The following SDK1 variants were observed in gnomAD, a reference collection of about 807,000 sequenced individuals.
The protein encoded by SDK1 is protein sidekick-1.
SDK1 carries 157 observed loss-of-function variants against 245.5 expected under a neutral mutation model. The observed-to-expected ratio is 0.64, with a 90% CI of 0.56 to 0.73. The LOEUF (loss-of-function observed/expected upper bound fraction) is 0.73. SDK1 is among the 30% of genes least tolerant of loss of function. The probability of loss-of-function intolerance (pLI) is 0.00; values close to 1 mark genes in which losing one functional copy is unlikely to be tolerated. For missense variants in SDK1, 3,583 were observed against 3,002.3 expected, an observed-to-expected ratio of 1.19 and a Z score of -4.52; for synonymous variants, 1,647 against 1,278.5, an observed-to-expected ratio of 1.29 and a Z score of -6.15.
intron 4 of SDK1, among the ~76,000 whole-genome samples, chr7:3,651,675 A>C (rs547736325): frequency 8.5e-5 from 13 of 152,344 alleles, no homozygotes; most frequent in African/African-American, 2.9e-4. Flanking sequence ...CCAGAAGCAG[A>C]ATGAGCTCCA....
At chr7:4,197,221 T>C (rs957192961) in intron 35 of SDK1, among the ~76,000 whole-genome samples, 3 of 151,712 alleles carry the variant, frequency 2.0e-5, no homozygotes, top group African/African-American at 7.3e-5. Flanking sequence ...CCCAGCACTT[T>C]GGGAGGCCGA....
At chr7:3,402,683 T>C (rs1425579269) in intron 1 of SDK1, among the ~76,000 whole-genome samples, 6 of 152,146 alleles carry the variant, frequency 3.9e-5, no homozygotes, top group African/African-American at 1.4e-4. Flanking sequence ...CAAAAAGTTG[T>C]TTTTCTTCTT....
At chr7:4,118,852 T>C (rs1783887213) in intron 25 of SDK1, among the ~76,000 whole-genome samples, 2 of 148,866 alleles carry the variant, frequency 1.3e-5, no homozygotes, top group African/African-American at 4.9e-5. Flanking sequence ...GTGATTCTAT[T>C]TGTAGGAAAC....
intron 4 of SDK1, among the ~76,000 whole-genome samples, chr7:3,737,300 T>C (rs947151465): frequency 1.3e-5 from 2 of 152,092 alleles, no homozygotes; most frequent in Middle Eastern, 3.2e-3. Flanking sequence ...TCTCCCTGTT[T>C]GGGGGTGGCT....
intron 4 of SDK1, among the ~76,000 whole-genome samples, chr7:3,820,381 G>T (rs565942796): frequency 6.6e-6 from 1 of 152,186 alleles, no homozygotes; most frequent in South Asian, 2.1e-4. Flanking sequence ...ATCTCTTGAC[G>T]TCACAATCTG....
intron 13 of SDK1, among the ~76,000 whole-genome samples, chr7:3,979,468 T>C (rs1329694197): frequency 4.6e-5 from 7 of 152,184 alleles, no homozygotes; most frequent in Non-Finnish European, 8.8e-5. Flanking sequence ...GAGCCCTCAA[T>C]GCCTGGACCA....
chr7:3,979,456 T>G (rs1562610671), intron 13 of SDK1, among the ~76,000 whole-genome samples: 1 of 152,166 alleles, frequency 6.6e-6, no homozygotes, highest in Admixed American at 6.5e-5. Context: ...CTGTTTGCTG[T>G]TGAGCCCTCA....
rs10663969 is a variant in SDK1, at chr7:3,655,049, C to CTTTT, written c.713+12954_713+12957dup. 7.5e-3 allele frequency among the ~76,000 whole-genome samples: 1,084 copies of CTTTT among 144,324 alleles called. 18 individuals carry two copies. The highest frequency in any genetic ancestry group is 0.014 in the Admixed American group (205 of 14,594). The allele number at this position is 144,324 out of a possible 152,430, so 94.7% of individuals were successfully genotyped here. ...AATGTGTTAGTTGAATCATAGCTTG[C>CTTTT]TTTTTTTTTTTTTGGCTCTTAAATC... On this transcript the variant is annotated intron_variant, in intron 4 of 44. Transcript: ENST00000404826.
At chr7:3,818,320 T>G (rs1486797032) in intron 4 of SDK1, among the ~76,000 whole-genome samples, 1 of 152,228 alleles carries the variant, frequency 6.6e-6, no homozygotes, top group Non-Finnish European at 1.5e-5. Flanking sequence ...GGCCAGGTAA[T>G]TCATATTATG....
chr7:4,089,336 G>A (rs1781639121), intron 22 of SDK1, among the ~76,000 whole-genome samples: 1 of 152,216 alleles, frequency 6.6e-6, no homozygotes, highest in South Asian at 2.1e-4. Context: ...CAGAACCCCT[G>A]GGGCAGAGGC....
At chr7:3,477,948 G>T (rs1781397494) in intron 1 of SDK1, among the ~76,000 whole-genome samples, 1 of 152,150 alleles carries the variant, frequency 6.6e-6, no homozygotes, top group African/African-American at 2.4e-5. Context: ...TATGGTGTGT[G>T]TTAGAGATCT....
chr7:4,077,174 T>A lies in SDK1; in HGVS notation c.3187T>A (p.Ser1063Thr). 1 of 1,614,194 alleles carries A rather than the reference T, an allele frequency of 6.2e-7. No individual in the cohort carries two copies. Among genetic ancestry groups the A allele is most frequent in the Non-Finnish European group, 8.5e-7 (1 of 1,180,022 alleles). ...TGLVTSSTIS[S>T]GVPPDLPGAP... ...CCTGGTGACTTCATCCACCATTTCTTCTGGAGTGCCCCCAGGTCAGTAGAA... is the reference window on the plus strand; with the variant it reads ...CCTGGTGACTTCATCCACCATTTCTACTGGAGTGCCCCCAGGTCAGTAGAA... The change falls in exon 21 of 45, where the codon TCT becomes ACT. Residue 1063 changes from serine (S) to threonine (T), a missense_variant. Physicochemically the swap from Ser to Thr is moderately conservative, Grantham distance 58. Coordinates refer to ENST00000404826, the MANE Select transcript of SDK1 (RefSeq NM_152744.4).
At chr7:3,781,387 C>G (rs1215408104) in intron 4 of SDK1, among the ~76,000 whole-genome samples, 1 of 152,128 alleles carries the variant, frequency 6.6e-6, no homozygotes, top group Non-Finnish European at 1.5e-5. Flanking sequence ...AGGATTATCA[C>G]CAGATGGCCC....
intron 1 of SDK1, among the ~76,000 whole-genome samples, chr7:3,533,100 T>A (rs116933957): frequency 2.0e-5 from 3 of 152,240 alleles, no homozygotes; most frequent in South Asian, 4.1e-4. Flanking sequence ...ATTCCAGCAC[T>A]GTAGCCAACC....
chr7:3,959,603 C>T lies in SDK1; in HGVS notation c.1234+589C>T, dbSNP rs180834488. Among the ~76,000 whole-genome samples the T allele has an allele frequency of 1.5e-3, 225 of 152,280 alleles. 1 individual carries two copies. The highest frequency in any genetic ancestry group is 5.3e-3 in the African/African-American group (220 of 41,550). ...CCCTTGTGAGTCCCCATTGTCTGTC[C>T]TTCCACACTCTGCATCCATGTGCAC... On this transcript the variant is annotated intron_variant, in intron 8 of 44. Coordinates refer to ENST00000404826, the MANE Select transcript of SDK1 (RefSeq NM_152744.4).
At chr7:3,803,265 G>C (rs1583429820) in intron 4 of SDK1, among the ~76,000 whole-genome samples, 3 of 150,438 alleles carry the variant, frequency 2.0e-5, no homozygotes, top group Admixed American at 1.3e-4. Context: ...AATGCTTCTT[G>C]TTGTACTCTG....
At chr7:4,158,341 C>T (rs544543643) in intron 30 of SDK1, 107 bp from the exon 31 acceptor site, 6 of 853,114 alleles carry the variant, frequency 7.0e-6, no homozygotes, top group Non-Finnish European at 1.1e-5. Context: ...CCAGAGCTCT[C>T]AGGGCAGGGG....
chr7:3,538,866 C>T (rs1304674783), intron 1 of SDK1, among the ~76,000 whole-genome samples: 3 of 152,176 alleles, frequency 2.0e-5, no homozygotes, highest in South Asian at 4.1e-4. Context: ...TCCAAAAGCA[C>T]ACTTATGCTG....
chr7:3,395,199 T>G (rs943738394), intron 1 of SDK1, among the ~76,000 whole-genome samples: 1 of 152,008 alleles, frequency 6.6e-6, no homozygotes, highest in East Asian at 1.9e-4. Flanking sequence ...CACATTGGAT[T>G]TTGTCAAATG....
Sources: allele counts gnomAD v4.1 joint callset (sites outside exome capture counted in the v4.1 genomes callset), GRCh38; gene constraint gnomAD v4.1.1; transcripts MANE v1.5; gene names NCBI Gene and HGNC (gene_info 2026-07-23, HGNC 2026-07-21).